HTR2C: variants seen among roughly 807,000 people sequenced by gnomAD.
HTR2C encodes the protein 5-hydroxytryptamine receptor 2C, also known as 5-hydroxytryptamine (serotonin) receptor 2C, G protein-coupled.
HTR2C carries 5 observed loss-of-function variants against 21.0 expected under a neutral mutation model. That is an observed-to-expected ratio of 0.24 (90% confidence interval 0.12 to 0.50). HTR2C has a LOEUF of 0.50. Ranked by LOEUF, HTR2C falls within the 20% of genes least tolerant of loss-of-function variation. The pLI, the probability that HTR2C is intolerant of heterozygous loss-of-function variation, is 0.98. For synonymous variants in HTR2C, 150 were observed against 145.3 expected (o/e 1.03, Z -0.23); for missense variants, 271 against 371.2 (o/e 0.73, Z 2.22).
intron 2 of HTR2C, among the ~76,000 whole-genome samples, chrX:114,706,752 G>T (rs1009295513): frequency 2.7e-5 from 3 of 109,798 alleles, no homozygotes; most frequent in Non-Finnish European, 5.7e-5. Flanking sequence ...AAAAAAGTAT[G>T]GTCTATAAAA....
At chrX:114,586,977 G>C (rs1927426867) in intron 1 of HTR2C, among the ~76,000 whole-genome samples, 2 of 110,879 alleles carry the variant, frequency 1.8e-5, no homozygotes, top group African/African-American at 6.6e-5. Flanking sequence ...AAGTCTACTT[G>C]GGAAGAGCAA....
chrX:114,646,565 A>C (rs781789822), intron 2 of HTR2C, among the ~76,000 whole-genome samples: 1 of 112,139 alleles, frequency 8.9e-6, no homozygotes, highest in South Asian at 3.6e-4. Context: ...ATTTTTTCAT[A>C]ACCCTTTTGG....
At chrX:114,726,588 A>G (rs1218272740) in intron 2 of HTR2C, among the ~76,000 whole-genome samples, 1 of 112,405 alleles carries the variant, frequency 8.9e-6, no homozygotes, top group Non-Finnish European at 1.9e-5. Flanking sequence ...ATTTGAAGCC[A>G]TGTCTACTCC....
chrX:114,725,122 G>C (rs1231779635), intron 2 of HTR2C, among the ~76,000 whole-genome samples: 10 of 111,015 alleles, frequency 9.0e-5, no homozygotes, highest in African/African-American at 2.9e-4. Flanking sequence ...TTCCAACTTG[G>C]TTCCATTCTC....
chrX:114,807,205 CACCATATATAT>C (rs782622935), intron 4 of HTR2C, among the ~76,000 whole-genome samples: 1,880 of 94,481 alleles, frequency 0.02, 42 homozygotes, highest in Non-Finnish European at 0.024. Context: ...TATATATATA[CACCATATATAT>C]ACCATGTATA....
At chrX:114,722,385 A>T (rs1166037040) in intron 2 of HTR2C, among the ~76,000 whole-genome samples, 1 of 111,133 alleles carries the variant, frequency 9.0e-6, no homozygotes, top group Non-Finnish European at 1.9e-5. Flanking sequence ...ACTTTGCTGA[A>T]GTTGCTTATC....
chrX:114,782,920 C>T (rs2070134705), intron 4 of HTR2C, among the ~76,000 whole-genome samples: 1 of 110,116 alleles, frequency 9.1e-6, no homozygotes, highest in Non-Finnish European at 1.9e-5. Context: ...ATAAAATAAC[C>T]AGTAAAAGAA....
chrX:114,741,015 G>A (rs2069639579), intron 4 of HTR2C, among the ~76,000 whole-genome samples: 5 of 111,316 alleles, frequency 4.5e-5, no homozygotes, highest in African/African-American at 1.6e-4. Flanking sequence ...CATGATATCC[G>A]TGTAAATTCA....
At chrX:114,777,529 A>G (rs1232912492) in intron 4 of HTR2C, among the ~76,000 whole-genome samples, 1 of 111,876 alleles carries the variant, frequency 8.9e-6, no homozygotes, top group African/African-American at 3.3e-5. Flanking sequence ...ATCAGCTTTG[A>G]ATAACTTGTG....
chrX:114,609,195 T>C, intron 1 of HTR2C, among the ~76,000 whole-genome samples: 1 of 111,208 alleles, frequency 9.0e-6, no homozygotes, highest in Admixed American at 9.6e-5. Flanking sequence ...ACTGGGGCTT[T>C]CTACATAAAA....
At chrX:114,886,537 A>C (rs985106381) in intron 5 of HTR2C, among the ~76,000 whole-genome samples, 1 of 110,679 alleles carries the variant, frequency 9.0e-6, no homozygotes, top group Non-Finnish European at 1.9e-5. Flanking sequence ...AGGGCTTACC[A>C]TATATATCTT....
At chrX:114,667,096 T>C (rs192799432) in intron 2 of HTR2C, among the ~76,000 whole-genome samples, 39 of 111,571 alleles carry the variant, frequency 3.5e-4, no homozygotes, top group Admixed American at 1.2e-3. Context: ...AAACATAATA[T>C]CACATTCTAA....
intron 2 of HTR2C, among the ~76,000 whole-genome samples, chrX:114,673,339 T>G (rs968146476): frequency 1.8e-5 from 2 of 111,672 alleles, no homozygotes; most frequent in African/African-American, 6.5e-5. Flanking sequence ...ATTAATAAAT[T>G]AGATGTATAT....
chrX:114,637,046 TA>T (rs1260462347), intron 2 of HTR2C, among the ~76,000 whole-genome samples: 1 of 111,691 alleles, frequency 9.0e-6, no homozygotes, highest in Non-Finnish European at 1.9e-5. Context: ...ACTAATTTTT[TA>T]AAAAAATAAG....
chrX:114,702,568 C>T (rs1602699815), intron 2 of HTR2C, among the ~76,000 whole-genome samples: 2 of 111,440 alleles, frequency 1.8e-5, no homozygotes, highest in East Asian at 5.6e-4. Context: ...AAGCACTAAA[C>T]ATGGAAAGGA....
In HTR2C at chrX:114,778,524, G is replaced by A. The variant is rs782709374; in HGVS notation, c.349+46917G>A. ...ACAGTAGGATGAGATAAAGCAATGAGGAAAAAAAGGAGAAAATCAGCCTTT... is the reference window on the plus strand; with the variant it reads ...ACAGTAGGATGAGATAAAGCAATGAAGAAAAAAAGGAGAAAATCAGCCTTT... On this transcript the variant is annotated intron_variant, in intron 4 of 5. Transcript: ENST00000276198. Among the ~76,000 whole-genome samples, 159 of 85,476 alleles carry A rather than the reference G, an allele frequency of 1.9e-3. 1 individual carries two copies. Among genetic ancestry groups the A allele is most frequent in the Non-Finnish European group, 2.0e-3 (90 of 44,394 alleles). 74.2% of individuals were successfully genotyped at this position (85,476 alleles called of 115,157 possible).
intron 1 of HTR2C, among the ~76,000 whole-genome samples, chrX:114,609,815 C>G (rs781888162): frequency 8.9e-6 from 1 of 111,796 alleles, no homozygotes; most frequent in East Asian, 2.8e-4. Context: ...CTGTATGGTT[C>G]CATTTACATA....
At chrX:114,645,385 G>A (rs1439133142) in intron 2 of HTR2C, among the ~76,000 whole-genome samples, 9 of 110,611 alleles carry the variant, frequency 8.1e-5, no homozygotes, top group African/African-American at 3.0e-4. Context: ...AAAATGTAGT[G>A]GACATGCCTG....
At chrX:114,635,740 A>T (rs1166895391) in intron 2 of HTR2C, among the ~76,000 whole-genome samples, 1 of 111,700 alleles carries the variant, frequency 9.0e-6, no homozygotes, top group African/African-American at 3.3e-5. Context: ...TTTGTCACCA[A>T]TACCTCCAAT....
Sources: allele counts gnomAD v4.1 joint callset (sites outside exome capture counted in the v4.1 genomes callset), GRCh38; gene constraint gnomAD v4.1.1; transcripts MANE v1.5; gene names NCBI Gene and HGNC (gene_info 2026-07-23, HGNC 2026-07-21).